The following SLC7A7 variants were observed in gnomAD, a reference collection of about 807,000 sequenced individuals.
The protein encoded by SLC7A7 is solute carrier family 7 member 7, also known as Y+L amino acid transporter 1.
In SLC7A7, 39 loss-of-function variants were observed where a neutral mutation model predicts 47.9. The ratio of observed to expected loss-of-function variants is 0.81; its 90% CI spans 0.63 to 1.06. SLC7A7 has a LOEUF of 1.06. Among genes scored for constraint, SLC7A7 ranks in the 50% least tolerant of loss-of-function variants. The probability of loss-of-function intolerance (pLI) is 0.00; values close to 1 mark genes in which losing one functional copy is unlikely to be tolerated. For missense variants in SLC7A7, 588 were observed against 632.0 expected (o/e 0.93, Z 0.75); for synonymous variants, 234 against 242.8 (o/e 0.96, Z 0.34).
chr14:22,814,679 A>G (rs573859412), intron 1 of SLC7A7: 1 of 152,542 alleles, frequency 6.6e-6, no homozygotes, highest in South Asian at 2.1e-4. Flanking sequence ...GCTGAGGTAC[A>G]ACATTAGGAA....
chr14:22,817,935 C>T (rs889329263), upstream of SLC7A7, among the ~76,000 whole-genome samples: 2 of 152,164 alleles, frequency 1.3e-5, no homozygotes, highest in African/African-American at 4.8e-5. Flanking sequence ...GGCTGCCCCT[C>T]CCCTTTCTCA....
At chr14:22,778,973 T>G (rs777344540) in intron 3 of SLC7A7, 36 bp from the exon 4 acceptor site, 37 of 1,612,144 alleles carry the variant, frequency 2.3e-5, no homozygotes, top group Non-Finnish European at 1.7e-6. Flanking sequence ...AGGGGATTAG[T>G]GGCTCATTCT....
chr14:22,794,158 C>T (rs1344320745), intron 2 of SLC7A7, among the ~76,000 whole-genome samples: 1 of 152,222 alleles, frequency 6.6e-6, no homozygotes, highest in South Asian at 2.1e-4. Context: ...AATAAAACTC[C>T]GGTCTCCCGC....
chr14:22,788,059 C>T (rs1050023589), intron 2 of SLC7A7, among the ~76,000 whole-genome samples: 24 of 151,160 alleles, frequency 1.6e-4, no homozygotes, highest in Middle Eastern at 6.8e-3. Flanking sequence ...GGTGACAGAG[C>T]GAGAGTTCGT....
rs748090602 is a variant in SLC7A7, at chr14:22,813,050, A to C, written c.349T>G (p.Phe117Val). ...ILEAFGGFLA[F>V]IRLWTSLLII... is the part of the protein sequence containing the mutation. ...AGCAGGGAGGTCCAGAGTCTGATGA[A>C]AGCAAGGAATCCTCCAAAGGCCTCC... is the stretch of plus-strand genomic sequence containing the variant. The change falls in exon 2 of 10, where the codon TTC becomes GTC. Residue 117 changes from phenylalanine to valine, a missense_variant. Physicochemically the swap from Phe to Val is conservative, Grantham distance 50 (BLOSUM62 -1). Transcript: ENST00000674313. 3.1e-6 allele frequency: 5 copies of C among 1,613,978 alleles called. No individual in the cohort carries two copies. In the East Asian group the frequency reaches 1.1e-4, roughly 36 times the overall value.
At chr14:22,775,232 A>G (rs202040498) in intron 7 of SLC7A7, among the ~76,000 whole-genome samples, 1 of 93,746 alleles carries the variant, frequency 1.1e-5, no homozygotes, top group South Asian at 3.9e-4. Context: ...TTTTTGCCTT[A>G]TCTTAGAGCA....
intron 2 of SLC7A7, among the ~76,000 whole-genome samples, chr14:22,792,148 C>T (rs971077442): frequency 2.6e-5 from 4 of 152,034 alleles, no homozygotes; most frequent in African/African-American, 9.7e-5. Flanking sequence ...AAACTCTCTA[C>T]ACCTTGAAAT....
chr14:22,788,088 A>T (rs2038853119), intron 2 of SLC7A7, among the ~76,000 whole-genome samples: 1 of 152,136 alleles, frequency 6.6e-6, no homozygotes, highest in South Asian at 2.1e-4. Context: ...AAAAAAAATT[A>T]AAATGTTGAC....
At chr14:22,787,750 T>C (rs766313566) in intron 2 of SLC7A7, among the ~76,000 whole-genome samples, 490 of 145,038 alleles carry the variant, frequency 3.4e-3, no homozygotes, top group Middle Eastern at 0.013. Flanking sequence ...AGCAACACTC[T>C]GTCTCAAAAA....
chr14:22,784,195 G>A (rs903342672), intron 2 of SLC7A7, among the ~76,000 whole-genome samples: 2 of 152,206 alleles, frequency 1.3e-5, no homozygotes, highest in Non-Finnish European at 2.9e-5. Flanking sequence ...TCTACCTCTA[G>A]GGGCAATTCA....
chr14:22,800,989 C>T (rs192596891), intron 2 of SLC7A7, among the ~76,000 whole-genome samples: 33 of 152,154 alleles, frequency 2.2e-4, no homozygotes, highest in Admixed American at 1.3e-3. Flanking sequence ...CCTCAGCAAC[C>T]GTTTTTCCAG....
At chr14:22,795,914 T>C (rs1363959712) in intron 2 of SLC7A7, among the ~76,000 whole-genome samples, 1 of 151,994 alleles carries the variant, frequency 6.6e-6, no homozygotes, top group African/African-American at 2.4e-5. Flanking sequence ...CATAGAAACA[T>C]AGAACATAGA....
chr14:22,773,532 G>T lies in SLC7A7; in HGVS notation c.*78C>A. ...TGGACAGGTGCCTCCAAAGAAGTGA[G>T]CTTTCCTTTTCAACTTCCTTAGCTC... On this transcript the variant is annotated 3_prime_UTR_variant, in exon 10 of 10. Coordinates refer to ENST00000674313, the MANE Select transcript of SLC7A7 (RefSeq NM_003982.4). The T allele has an allele frequency of 7.8e-7, 1 of 1,288,904 alleles. No individual in the cohort carries two copies. Among genetic ancestry groups the T allele is most frequent in the Non-Finnish European group, 1.1e-6 (1 of 889,088 alleles). 79.8% of individuals were successfully genotyped at this position (1,288,904 alleles called of 1,614,324 possible). A position where few individuals can be genotyped will look rare whatever the true frequency, so the allele number is the denominator to read the frequency against.
At chr14:22,777,127 C>A (rs1287666172) in intron 4 of SLC7A7, among the ~76,000 whole-genome samples, 1 of 126,468 alleles carries the variant, frequency 7.9e-6, no homozygotes, top group African/African-American at 3.1e-5. Context: ...CTGGGCAAGG[C>A]AGCCAGACCC....
upstream of SLC7A7, among the ~76,000 whole-genome samples, chr14:22,818,906 C>T (rs1289490809): frequency 6.6e-6 from 1 of 152,078 alleles, no homozygotes; most frequent in Non-Finnish European, 1.5e-5. Context: ...CCAGGTTTTA[C>T]ATGAGAAACC....
At chr14:22,811,923 A>G (rs1403351705) in intron 2 of SLC7A7, among the ~76,000 whole-genome samples, 1 of 152,008 alleles carries the variant, frequency 6.6e-6, no homozygotes, top group Non-Finnish European at 1.5e-5. Context: ...TCACTGGAGC[A>G]TTATCTGTAA....
chr14:22,790,040 A>C (rs2038896794), intron 2 of SLC7A7, among the ~76,000 whole-genome samples: 1 of 152,192 alleles, frequency 6.6e-6, no homozygotes, highest in African/African-American at 2.4e-5. Flanking sequence ...TAGAAAACTC[A>C]TATGTTGGCT....
chr14:22,807,086 A>T (rs1424668812), intron 2 of SLC7A7, among the ~76,000 whole-genome samples: 1 of 151,862 alleles, frequency 6.6e-6, no homozygotes, highest in Non-Finnish European at 1.5e-5. Flanking sequence ...TTTTTAGTAA[A>T]GACGGGATTT....
chr14:22,814,174 G>C (rs952795068), intron 1 of SLC7A7, among the ~76,000 whole-genome samples: 1 of 151,632 alleles, frequency 6.6e-6, no homozygotes, highest in African/African-American at 2.4e-5. Context: ...CTGCCCACCC[G>C]ACTCACCAAA....
Sources: allele counts gnomAD v4.1 joint callset (sites outside exome capture counted in the v4.1 genomes callset), GRCh38; gene constraint gnomAD v4.1.1; transcripts MANE v1.5; gene names NCBI Gene and HGNC (gene_info 2026-07-23, HGNC 2026-07-21).